MTRFR: variants seen among roughly 807,000 people sequenced by gnomAD.
MTRFR encodes mitochondrial translation release factor in rescue.
In MTRFR, 10 loss-of-function variants were observed where a neutral mutation model predicts 11.9. The ratio of observed to expected loss-of-function variants is 0.84; its 90% CI spans 0.52 to 1.42. The LOEUF is 1.42. MTRFR is among the 40% of genes most tolerant of loss of function. The pLI is 0.00. For synonymous variants in MTRFR, 77 were observed against 79.1 expected (o/e 0.97, Z 0.14); for missense variants, 196 against 197.9 (o/e 0.99, Z 0.06).
chr12:123,255,918 G>A (rs1490358125), intron 2 of MTRFR, among the ~76,000 whole-genome samples: 3 of 152,088 alleles, frequency 2.0e-5, no homozygotes, highest in Non-Finnish European at 2.9e-5. Context: ...GAGCCACCAC[G>A]TCCGGCCATC....
rs903846190 is a variant in MTRFR, at chr12:123,257,037, G to C, written c.*6G>C. ...CAAGTAAAAAGGTCCACTGAGAAAA[G>C]AATTAGAGATTCCAACTGACAGAAT... On this transcript the variant is annotated 3_prime_UTR_variant, in exon 3 of 3. Transcript: ENST00000253233. 1 of 1,605,332 alleles carries C rather than the reference G, an allele frequency of 6.2e-7. No homozygotes were observed.
At chr12:123,241,418 A>G (rs2047935398) in intron 1 of MTRFR, among the ~76,000 whole-genome samples, 1 of 149,046 alleles carries the variant, frequency 6.7e-6, no homozygotes, top group Non-Finnish European at 1.5e-5. Context: ...GCTCACTACA[A>G]CCTCTGCCTC....
At chr12:123,253,361 CCTTT>C in intron 1 of MTRFR, 1 of 368,024 alleles carries the variant, frequency 2.7e-6, no homozygotes, top group Non-Finnish European at 5.3e-6. Flanking sequence ...CAAAACCTCT[CCTTT>C]CTGAGAAAAC....
At chr12:123,236,559 A>G (rs1250882779) in intron 1 of MTRFR, among the ~76,000 whole-genome samples, 1 of 151,392 alleles carries the variant, frequency 6.6e-6, no homozygotes, top group Non-Finnish European at 1.5e-5. Context: ...ATGCCACTGC[A>G]CTCCACTTGG....
At chr12:123,245,246 A>G (rs777765329) in intron 1 of MTRFR, among the ~76,000 whole-genome samples, 2 of 152,082 alleles carry the variant, frequency 1.3e-5, no homozygotes, top group Non-Finnish European at 2.9e-5. Context: ...CTACGTGCCT[A>G]TTTTTATACC....
At chr12:123,245,832 C>T (rs941298720) in intron 1 of MTRFR, among the ~76,000 whole-genome samples, 6 of 152,040 alleles carry the variant, frequency 3.9e-5, no homozygotes, top group African/African-American at 1.5e-4. Context: ...TCAAGGTAAA[C>T]GATCACATCA....
intron 1 of MTRFR, chr12:123,251,231 AC>A (rs1330012412): frequency 6.6e-6 from 1 of 152,330 alleles, no homozygotes; most frequent in East Asian, 1.9e-4. Flanking sequence ...AGAGGGTGAG[AC>A]TGGCTTGAAA....
chr12:123,248,903 T>C (rs1470233418), intron 1 of MTRFR: 2 of 152,248 alleles, frequency 1.3e-5, no homozygotes, highest in East Asian at 1.9e-4. Context: ...CACAGAGTGC[T>C]GACTGGTGCA....
At chr12:123,234,249 A>G (rs549589982) in intron 1 of MTRFR, among the ~76,000 whole-genome samples, 1 of 152,174 alleles carries the variant, frequency 6.6e-6, no homozygotes, top group Non-Finnish European at 1.5e-5. Context: ...GCTCACAGTA[A>G]AGGGACTTCC....
intron 1 of MTRFR, among the ~76,000 whole-genome samples, chr12:123,244,963 A>C (rs1290754548): frequency 6.5e-5 from 3 of 46,468 alleles, no homozygotes; most frequent in East Asian, 8.1e-4. Context: ...TTTTTTTTAG[A>C]CAGAGTCTTA....
At chr12:123,239,720 T>C (rs976258570) in intron 1 of MTRFR, among the ~76,000 whole-genome samples, 3 of 152,184 alleles carry the variant, frequency 2.0e-5, no homozygotes, top group Non-Finnish European at 2.9e-5. Context: ...TTAGTTTCTA[T>C]TGGACACCAC....
chr12:123,253,060 G>A (rs898046705), intron 1 of MTRFR, among the ~76,000 whole-genome samples: 8 of 101,378 alleles, frequency 7.9e-5, no homozygotes, highest in African/African-American at 1.6e-4. Flanking sequence ...ATTACAGTCC[G>A]TTCCTTTGAA....
chr12:123,238,966 G>T (rs1409993689), intron 1 of MTRFR, among the ~76,000 whole-genome samples: 31 of 151,990 alleles, frequency 2.0e-4, no homozygotes, highest in Non-Finnish European at 4.4e-5. Flanking sequence ...GGGGAAAAAA[G>T]AATATCTCAA....
rs1248051616 is a variant in MTRFR at position 123,256,803 on chromosome 12, T to C, written c.283-10T>C. On this transcript the variant is annotated splice_polypyrimidine_tract_variant and intron_variant, in intron 2 of 2. Transcript: ENST00000253233. ...GTGGTTTTCACATTATAAAATATTA[T>C]CTCTTACAGTGCCATCAGACAAGAT... The C allele has an allele frequency of 6.2e-7, 1 of 1,600,810 alleles. No individual in the cohort carries two copies. The highest frequency in any genetic ancestry group is 8.6e-7 in the Non-Finnish European group (1 of 1,167,966).
At chr12:123,236,629 GTA>G (rs1202304143) in intron 1 of MTRFR, among the ~76,000 whole-genome samples, 3 of 151,804 alleles carry the variant, frequency 2.0e-5, no homozygotes, top group Non-Finnish European at 4.4e-5. Flanking sequence ...GCTTTGGTTT[GTA>G]TATGTTTAAG....
chr12:123,238,028 C>T lies in MTRFR; in HGVS notation c.-29+4497C>T, dbSNP rs375776032. Among the ~76,000 whole-genome samples, 60 of 151,984 alleles carry T rather than the reference C, an allele frequency of 3.9e-4. No individual in the cohort carries two copies. In the East Asian group the frequency reaches 7.8e-3, roughly 20 times the overall value. On this transcript the variant is annotated intron_variant, in intron 1 of 2. Transcript: ENST00000253233. Reference sequence around the variant, plus strand: ...ATTCTGCTGCAGCCTCCCGAGTAGCCGGGACTACAGGTGCACACCACCACA... The same window carrying T: ...ATTCTGCTGCAGCCTCCCGAGTAGCTGGGACTACAGGTGCACACCACCACA...
intron 1 of MTRFR, among the ~76,000 whole-genome samples, chr12:123,237,062 G>A (rs1373904438): frequency 6.6e-6 from 1 of 152,050 alleles, no homozygotes; most frequent in Non-Finnish European, 1.5e-5. Context: ...TCCAGGCTGG[G>A]TGACAGAGTG....
chr12:123,242,671 A>G (rs1593276875), intron 1 of MTRFR, among the ~76,000 whole-genome samples: 1 of 152,166 alleles, frequency 6.6e-6, no homozygotes, highest in Admixed American at 6.6e-5. Context: ...TGGGTGGGAG[A>G]CCTTCCAGTG....
chr12:123,240,074 C>A (rs2047907580), intron 1 of MTRFR, among the ~76,000 whole-genome samples: 1 of 152,016 alleles, frequency 6.6e-6, no homozygotes. Flanking sequence ...GTTAGAAATG[C>A]AGAGCCTCGC....
Sources: gnomAD v4.1 joint callset for allele counts (sites outside exome capture counted in the v4.1 genomes callset) on GRCh38, gnomAD v4.1.1 for gene constraint, MANE v1.5 for transcripts, NCBI Gene and HGNC (gene_info 2026-07-23, HGNC 2026-07-21) for gene names.